FAM20C: variants seen among roughly 807,000 people sequenced by gnomAD.
FAM20C encodes the protein extracellular serine/threonine protein kinase FAM20C.
FAM20C carries 40 observed loss-of-function variants against 51.5 expected under a neutral mutation model. That is an observed-to-expected ratio of 0.78 (90% CI 0.60 to 1.01). The LOEUF (loss-of-function observed/expected upper bound fraction) is 1.01. Among genes scored for constraint, FAM20C ranks in the 50% least tolerant of loss-of-function variants. The pLI is 0.00. For synonymous variants in FAM20C, 406 were observed against 380.6 expected, an observed-to-expected ratio of 1.07 and a Z score of -0.78; for missense variants, 861 against 844.7, an observed-to-expected ratio of 1.02 and a Z score of -0.24.
chr7:195,879 G>A (rs947612787), intron 2 of FAM20C, 147 bp downstream of exon 2: 3 of 770,992 alleles, frequency 3.9e-6, no homozygotes, highest in Non-Finnish European at 5.3e-6. Flanking sequence ...CACGGGCAGC[G>A]AGGAGGGACA....
In FAM20C at chr7:193,810, T is replaced by C; in HGVS notation, c.605+6T>C. 6.4e-7 allele frequency: 1 copy of C among 1,553,936 alleles called. No homozygotes were observed. ...GCGGCGGAGAACCCGGACTGGTGAG[T>C]GGGGGCTGGCAGGTGCCCACCCCCA... On this transcript the variant is annotated splice_donor_region_variant and intron_variant, in intron 1 of 9. Transcript: ENST00000313766.
intron 2 of FAM20C, among the ~76,000 whole-genome samples, chr7:199,602 A>G (rs1332200778): frequency 6.6e-6 from 1 of 152,214 alleles, no homozygotes; most frequent in Non-Finnish European, 1.5e-5. Context: ...GAACGGTTCC[A>G]TTAAATCTCT....
chr7:257,272 GC>G, intron 8 of FAM20C, 186 bp downstream of exon 8: 1 of 618,114 alleles, frequency 1.6e-6, no homozygotes, highest in East Asian at 2.8e-5. Flanking sequence ...AGGGAGGGCC[GC>G]CCCGGGAGTG....
At chr7:199,836 C>T (rs1786048325) in intron 2 of FAM20C, among the ~76,000 whole-genome samples, 1 of 152,256 alleles carries the variant, frequency 6.6e-6, no homozygotes, top group Admixed American at 6.5e-5. Context: ...CTATCATGCA[C>T]AATTATGGAT....
intron 3 of FAM20C, among the ~76,000 whole-genome samples, chr7:226,549 C>T (rs1787456820): frequency 6.6e-6 from 1 of 152,104 alleles, no homozygotes; most frequent in African/African-American, 2.4e-5. Context: ...CCGTGTGCCC[C>T]CCGGTCGTGG....
chr7:258,892 G>A (rs564771257), intron 9 of FAM20C, among the ~76,000 whole-genome samples, 187 bp downstream of exon 9: 237 of 151,852 alleles, frequency 1.6e-3, no homozygotes, highest in Middle Eastern at 0.014. Flanking sequence ...GACCTCACCC[G>A]CCCACCACCC....
chr7:209,763 T>C (rs530487184), intron 3 of FAM20C, among the ~76,000 whole-genome samples: 86 of 152,242 alleles, frequency 5.6e-4, no homozygotes, highest in Non-Finnish European at 9.3e-4. Context: ...GCCAGAAATA[T>C]GGATTTTTTT....
chr7:226,200 C>T (rs144762833), intron 3 of FAM20C, among the ~76,000 whole-genome samples: 1,528 of 152,260 alleles, frequency 0.01, 31 homozygotes, highest in African/African-American at 0.034. Flanking sequence ...GGGCCCACTG[C>T]AGGCCGCCCT....
intron 2 of FAM20C, among the ~76,000 whole-genome samples, chr7:199,465 C>T (rs1786032087): frequency 1.3e-5 from 2 of 152,248 alleles, no homozygotes; most frequent in South Asian, 4.1e-4. Context: ...TGAGTTCTGT[C>T]CCCTCAGCTG....
At chr7:234,302 C>T (rs1413435156) in intron 3 of FAM20C, among the ~76,000 whole-genome samples, 1 of 152,242 alleles carries the variant, frequency 6.6e-6, no homozygotes, top group Non-Finnish European at 1.5e-5. Context: ...TTTACAAGGG[C>T]GACAAGCCCA....
chr7:194,376 C>T (rs1029689054), intron 1 of FAM20C, among the ~76,000 whole-genome samples: 1 of 151,992 alleles, frequency 6.6e-6, no homozygotes. Flanking sequence ...ACGGCAGGAA[C>T]CTCTCTTTAA....
chr7:218,115 C>G (rs923160760), intron 3 of FAM20C, among the ~76,000 whole-genome samples: 1 of 152,202 alleles, frequency 6.6e-6, no homozygotes, highest in African/African-American at 2.4e-5. Context: ...CGGGCCTCAG[C>G]CTCCTCGTCT....
At chr7:258,283 TGCCTGGGGTGCTG>T in intron 8 of FAM20C, among the ~76,000 whole-genome samples, 1 of 128,624 alleles carries the variant, frequency 7.8e-6, no homozygotes, top group Non-Finnish European at 1.6e-5. Flanking sequence ...GTGGACCCAC[TGCCTGGGGTGCTG>T]GAGATGGGTG....
intron 3 of FAM20C, among the ~76,000 whole-genome samples, chr7:242,205 T>A (rs1426911571): frequency 6.6e-6 from 1 of 152,168 alleles, no homozygotes; most frequent in Non-Finnish European, 1.5e-5. Flanking sequence ...CCGCAACAGC[T>A]CTGGGAGGCA....
Position 246,436 on chromosome 7 carries a change from A to G in FAM20C, c.885A>G (p.Thr295=), listed in dbSNP as rs141256626. The change falls in exon 4 of 10, where the codon ACA becomes ACG. Residue 295 remains threonine, a synonymous_variant. Coordinates refer to ENST00000313766, the MANE Select transcript of FAM20C (RefSeq NM_020223.4). ...KPMKQTREQE[T]PPDFFYFSDY... is the part of the protein sequence containing the mutation. ...TCAGACAAACGAGGGAGCAGGAGAC[A>G]CCCCCTGACTTTTTTTATTTCTCTG... 367,259 of 1,534,106 alleles carry G rather than the reference A, an allele frequency of 0.24. 48,388 individuals carry two copies. Among genetic ancestry groups the G allele is most frequent in the African/African-American group, 0.53 (38,356 of 72,684 alleles).
Position 256,669 on chromosome 7 carries a change from T to C in FAM20C, c.1269T>C (p.Pro423=). ...CTCCCCGCAGGTGGGAGGTGGACCC[T>C]GACTACTGCGAGGAGGTGAAGCAGA... ...KRKKAEWEVD[P]DYCEEVKQTP... The change falls in exon 7 of 10, where the codon CCT becomes CCC. Residue 423 remains proline, a synonymous_variant. Transcript: ENST00000313766. 1 of 1,536,034 alleles carries C rather than the reference T, an allele frequency of 6.5e-7. No individual in the cohort carries two copies. The highest frequency in any genetic ancestry group is 8.7e-7 in the Non-Finnish European group (1 of 1,146,814).
At chr7:208,080 G>C (rs1786520567) in intron 2 of FAM20C, among the ~76,000 whole-genome samples, 1 of 152,194 alleles carries the variant, frequency 6.6e-6, no homozygotes, top group South Asian at 2.1e-4. Flanking sequence ...CAGGTTGCTT[G>C]TAGCTCCCCA....
At chr7:252,497 T>C (rs889526094) in intron 5 of FAM20C, among the ~76,000 whole-genome samples, 1 of 145,816 alleles carries the variant, frequency 6.9e-6, no homozygotes, top group African/African-American at 2.6e-5. Context: ...CAACCACGGA[T>C]GCCAGGTGGT....
chr7:230,596 G>A (rs1245559633), intron 3 of FAM20C, among the ~76,000 whole-genome samples: 2 of 152,098 alleles, frequency 1.3e-5, no homozygotes, highest in African/African-American at 4.8e-5. Context: ...GTGTCTCCCC[G>A]ATTCAGTGTT....
Sources: allele counts gnomAD v4.1 joint callset (sites outside exome capture counted in the v4.1 genomes callset), GRCh38; gene constraint gnomAD v4.1.1; transcripts MANE v1.5; gene names NCBI Gene and HGNC (gene_info 2026-07-23, HGNC 2026-07-21).